The following ZFPM2 variants were observed in gnomAD, a reference collection of about 807,000 sequenced individuals.
The protein encoded by ZFPM2 is zinc finger protein ZFPM2.
Under a neutral mutation model 98.6 loss-of-function variants are expected in ZFPM2, and 20 were observed. The ratio of observed to expected loss-of-function variants is 0.20; its 90% CI spans 0.14 to 0.29. ZFPM2 has a LOEUF of 0.29. Among genes scored for constraint, ZFPM2 ranks in the 10% least tolerant of loss-of-function variants. ZFPM2 has a pLI of 1.00. For missense variants in ZFPM2, 1,310 were observed against 1,388.6 expected (o/e 0.94, Z 0.90); for synonymous variants, 518 against 502.7 (o/e 1.03, Z -0.41).
intron 5 of ZFPM2, among the ~76,000 whole-genome samples, chr8:105,679,341 T>C (rs910552152): frequency 1.4e-4 from 22 of 152,192 alleles, no homozygotes; most frequent in African/African-American, 5.3e-4. Flanking sequence ...CGGGAGTTCA[T>C]GTCATTTCTC....
At chr8:105,504,870 A>G (rs764893215) in intron 3 of ZFPM2, among the ~76,000 whole-genome samples, 54 of 152,320 alleles carry the variant, frequency 3.5e-4, no homozygotes, top group South Asian at 6.2e-4. Context: ...TGTATTTCCC[A>G]TAAATTATTG....
chr8:105,600,389 G>A (rs1197292895), intron 4 of ZFPM2, among the ~76,000 whole-genome samples: 2 of 151,946 alleles, frequency 1.3e-5, no homozygotes, highest in African/African-American at 2.4e-5. Context: ...TTTTGAGTAA[G>A]GAAAACTGCA....
intron 4 of ZFPM2, among the ~76,000 whole-genome samples, chr8:105,599,131 A>G (rs900088069): frequency 6.6e-6 from 1 of 152,048 alleles, no homozygotes. Flanking sequence ...ACCTAAGAAA[A>G]AAATTAAAAG....
rs143602580 is a variant in ZFPM2 at position 105,620,752 on chromosome 8, G to C, written c.421-13494G>C. Among the ~76,000 whole-genome samples the C allele has an allele frequency of 5.3e-5, 8 of 151,940 alleles. 1 individual carries two copies. In the South Asian group the frequency reaches 6.2e-4, roughly 12 times the overall value. On this transcript the variant is annotated intron_variant, in intron 4 of 7. Coordinates refer to ENST00000407775, the MANE Select transcript of ZFPM2 (RefSeq NM_012082.4). Reference sequence around the variant, plus strand: ...TCCAGTTTCAGCTTTCTACATATGGGTAGCCAGTTTTCCCAGCACCATTTA... The same window carrying C: ...TCCAGTTTCAGCTTTCTACATATGGCTAGCCAGTTTTCCCAGCACCATTTA...
intron 5 of ZFPM2, among the ~76,000 whole-genome samples, chr8:105,673,187 C>CTTTTTTTTTTTTTTTTTTTTTTTTTT (rs5893754): frequency 1.1e-4 from 10 of 87,524 alleles, no homozygotes; most frequent in African/African-American, 4.9e-4. Flanking sequence ...AAATAGCATG[C>CTTTTTTTTTTTTTTTTTTTTTTTTTT]TTTTTTTTTT....
intron 1 of ZFPM2, among the ~76,000 whole-genome samples, chr8:105,369,656 A>G (rs1014102573): frequency 9.2e-5 from 14 of 152,180 alleles, no homozygotes; most frequent in African/African-American, 3.4e-4. Flanking sequence ...AGTATCAATT[A>G]TTTCAGTCCT....
chr8:105,629,945 C>T (rs528224857), intron 4 of ZFPM2, among the ~76,000 whole-genome samples: 1 of 152,154 alleles, frequency 6.6e-6, no homozygotes, highest in Non-Finnish European at 1.5e-5. Flanking sequence ...CTCACCATCT[C>T]ATGGTACAAA....
chr8:105,778,746 G>A (rs1813169527), intron 5 of ZFPM2, among the ~76,000 whole-genome samples: 1 of 152,112 alleles, frequency 6.6e-6, no homozygotes, highest in African/African-American at 2.4e-5. Flanking sequence ...TAGCAATTTA[G>A]TATATGGTAT....
At chr8:105,507,331 T>A (rs758477041) in intron 3 of ZFPM2, among the ~76,000 whole-genome samples, 16 of 152,184 alleles carry the variant, frequency 1.1e-4, no homozygotes, top group Non-Finnish European at 1.8e-4. Context: ...AATGTGAGAA[T>A]TTCTTCATGA....
intron 3 of ZFPM2, among the ~76,000 whole-genome samples, chr8:105,521,555 G>A (rs1157535390): frequency 1.3e-5 from 2 of 151,806 alleles, no homozygotes; most frequent in Non-Finnish European, 2.9e-5. Flanking sequence ...GCAAGAATTT[G>A]AAGAATAATA....
intron 3 of ZFPM2, among the ~76,000 whole-genome samples, chr8:105,478,040 G>A (rs1024303178): frequency 2.0e-5 from 3 of 152,112 alleles, no homozygotes; most frequent in Non-Finnish European, 4.4e-5. Flanking sequence ...TCAAGTCTGG[G>A]AACATGGAAC....
At chr8:105,328,470 C>T (rs1476066922) in intron 1 of ZFPM2, among the ~76,000 whole-genome samples, 4 of 151,694 alleles carry the variant, frequency 2.6e-5, no homozygotes, top group Non-Finnish European at 5.9e-5. Flanking sequence ...CGAATATCTG[C>T]TTTGAATTTG....
chr8:105,666,416 A>G (rs542571148), intron 5 of ZFPM2, among the ~76,000 whole-genome samples: 12 of 152,270 alleles, frequency 7.9e-5, no homozygotes, highest in Non-Finnish European at 1.5e-4. Flanking sequence ...ATGCTCCCCA[A>G]AAGCACCACC....
At chr8:105,684,366 A>G (rs1406055734) in intron 5 of ZFPM2, among the ~76,000 whole-genome samples, 3 of 152,126 alleles carry the variant, frequency 2.0e-5, no homozygotes, top group African/African-American at 7.2e-5. Context: ...TTGGGGTGTC[A>G]AAAATTACCT....
chr8:105,555,254 C>A (rs1269802112), intron 3 of ZFPM2, among the ~76,000 whole-genome samples: 2 of 151,980 alleles, frequency 1.3e-5, no homozygotes, highest in Non-Finnish European at 2.9e-5. Flanking sequence ...ACTTACCCAG[C>A]ATGTTAAAAA....
chr8:105,416,325 A>C (rs1159536382), intron 1 of ZFPM2, among the ~76,000 whole-genome samples: 1 of 151,712 alleles, frequency 6.6e-6, no homozygotes, highest in Non-Finnish European at 1.5e-5. Flanking sequence ...ATTTGTTGTC[A>C]TTGAATATTT....
In ZFPM2 at chr8:105,441,434, A is replaced by G. The variant is rs112328616; in HGVS notation, c.200-2846A>G. 7.9e-3 allele frequency among the ~76,000 whole-genome samples: 753 copies of G among 94,810 alleles called. 3 individuals carry two copies. The highest frequency in any genetic ancestry group is 0.01 in the African/African-American group (161 of 16,056). 62.2% of individuals were successfully genotyped at this position (94,810 alleles called of 152,430 possible). A position where few individuals can be genotyped will look rare whatever the true frequency, so the allele number is the denominator to read the frequency against. On this transcript the variant is annotated intron_variant, in intron 2 of 7. Coordinates refer to ENST00000407775, the MANE Select transcript of ZFPM2 (RefSeq NM_012082.4). ...CTCAACAAAAAAAAAGAAAGAAAGA[A>G]AGAGAGAGAGAGAGAGAGAGAAAGA...
chr8:105,647,909 G>A (rs1049850518), intron 5 of ZFPM2, among the ~76,000 whole-genome samples: 1 of 152,052 alleles, frequency 6.6e-6, no homozygotes, highest in African/African-American at 2.4e-5. Context: ...GGGATGGCTG[G>A]GTCAAATGGT....
chr8:105,658,280 A>C (rs890428552), intron 5 of ZFPM2, among the ~76,000 whole-genome samples: 1 of 152,142 alleles, frequency 6.6e-6, no homozygotes, highest in African/African-American at 2.4e-5. Flanking sequence ...TATTGACCCC[A>C]GTCAGTCTTT....
Sources: gnomAD v4.1 joint callset for allele counts (sites outside exome capture counted in the v4.1 genomes callset) on GRCh38, gnomAD v4.1.1 for gene constraint, MANE v1.5 for transcripts, NCBI Gene and HGNC (gene_info 2026-07-23, HGNC 2026-07-21) for gene names.